The following NMNAT3 variants were observed in gnomAD, a reference collection of about 807,000 sequenced individuals.
The protein encoded by NMNAT3 is nicotinamide nucleotide adenylyltransferase 3.
In NMNAT3, 21 loss-of-function variants were observed where a neutral mutation model predicts 24.8. That is an observed-to-expected ratio of 0.85 (90% CI 0.60 to 1.22). The LOEUF (loss-of-function observed/expected upper bound fraction) is 1.22, where lower values mean the gene tolerates loss of function less well. NMNAT3 is among the 50% of genes most tolerant of loss of function. The probability of loss-of-function intolerance (pLI) is 0.00; values close to 1 mark genes in which losing one functional copy is unlikely to be tolerated. For synonymous variants in NMNAT3, 136 were observed against 155.2 expected (o/e 0.88, Z 0.92); for missense variants, 387 against 436.6 (o/e 0.89, Z 1.01).
At chr3:139,564,147 A>G (rs146006184) in intron 6 of NMNAT3, among the ~76,000 whole-genome samples, 118 of 152,316 alleles carry the variant, frequency 7.7e-4, no homozygotes, top group African/African-American at 2.7e-3. Flanking sequence ...CAGCCATAAA[A>G]TGGGGATAGT....
intron 2 of NMNAT3, among the ~76,000 whole-genome samples, chr3:139,629,374 C>T (rs758045569): frequency 6.6e-6 from 1 of 152,200 alleles, no homozygotes; most frequent in Non-Finnish European, 1.5e-5. Flanking sequence ...CGAACACTGA[C>T]TGAAGCTTTA....
intron 5 of NMNAT3, among the ~76,000 whole-genome samples, chr3:139,576,509 G>T (rs903346202): frequency 6.7e-6 from 1 of 149,148 alleles, no homozygotes; most frequent in Admixed American, 6.6e-5. Flanking sequence ...ATTTAAAAAA[G>T]CTTATTAAGT....
At chr3:139,638,938 A>G (rs1012915186) in intron 1 of NMNAT3, among the ~76,000 whole-genome samples, 15 of 152,164 alleles carry the variant, frequency 9.9e-5, no homozygotes, top group Non-Finnish European at 1.6e-4. Context: ...CTGCTCTGTC[A>G]AACTGCCTTT....
Position 139,627,644 on chromosome 3 carries a change from CT to C in NMNAT3, c.80del (p.Glu27GlyfsTer31). 6.3e-7 allele frequency: 1 copy of C among 1,593,710 alleles called. No individual in the cohort carries two copies. Among genetic ancestry groups the C allele is most frequent in the South Asian group, 1.1e-5 (1 of 90,254 alleles). On this transcript the variant is annotated frameshift_variant, in exon 3 of 7. Transcript: ENST00000643695. LOFTEE classifies it high-confidence loss of function. ...TTTGGTGTAGGTGATCTCTGGCCACCTCAAACATGCGCAGGTGCATGTTGGT... is the reference window on the plus strand; with the variant it reads ...TTTGGTGTAGGTGATCTCTGGCCACCCAAACATGCGCAGGTGCATGTTGGT...
At chr3:139,643,483 T>C (rs1018555895) in intron 1 of NMNAT3, among the ~76,000 whole-genome samples, 2 of 152,144 alleles carry the variant, frequency 1.3e-5, no homozygotes, top group African/African-American at 4.8e-5. Context: ...AACGGAAGAA[T>C]GGATCAACAA....
intron 3 of NMNAT3, among the ~76,000 whole-genome samples, chr3:139,621,614 C>T (rs906011278): frequency 2.0e-5 from 3 of 152,194 alleles, no homozygotes; most frequent in African/African-American, 7.2e-5. Flanking sequence ...TCAAGTGATC[C>T]ACCCACCTTG....
At chr3:139,644,689 C>T (rs1306020934) in intron 1 of NMNAT3, among the ~76,000 whole-genome samples, 1 of 152,088 alleles carries the variant, frequency 6.6e-6, no homozygotes, top group Admixed American at 6.5e-5. Context: ...AATTTTAACT[C>T]CTTGATGGAA....
intron 1 of NMNAT3, among the ~76,000 whole-genome samples, chr3:139,645,011 G>C (rs2056825630): frequency 6.6e-6 from 1 of 152,162 alleles, no homozygotes. Flanking sequence ...AGACTAGCCT[G>C]AACAAAATGG....
intron 3 of NMNAT3, among the ~76,000 whole-genome samples, chr3:139,583,820 G>A (rs908970450): frequency 5.3e-5 from 8 of 152,196 alleles, no homozygotes; most frequent in African/African-American, 9.7e-5. Flanking sequence ...AGCTCCACGC[G>A]TCTCCAGCTC....
intron 3 of NMNAT3, among the ~76,000 whole-genome samples, chr3:139,588,771 AC>A (rs1270938391): frequency 1.3e-5 from 2 of 152,152 alleles, no homozygotes; most frequent in Non-Finnish European, 2.9e-5. Flanking sequence ...CCTGGGTTGG[AC>A]CAGAGAGAAC....
At chr3:139,653,769 A>C (rs1468650887) in intron 1 of NMNAT3, among the ~76,000 whole-genome samples, 1 of 152,216 alleles carries the variant, frequency 6.6e-6, no homozygotes, top group Non-Finnish European at 1.5e-5. Context: ...GTAGCTGCCT[A>C]GACTTTCTTC....
intron 3 of NMNAT3, among the ~76,000 whole-genome samples, chr3:139,611,471 A>G (rs1241005910): frequency 2.0e-5 from 3 of 152,248 alleles, no homozygotes; most frequent in Non-Finnish European, 4.4e-5. Context: ...AAATTGTTCA[A>G]GGTCATACAG....
chr3:139,607,381 C>A (rs1262067283), intron 3 of NMNAT3, among the ~76,000 whole-genome samples: 1 of 152,166 alleles, frequency 6.6e-6, no homozygotes, highest in Non-Finnish European at 1.5e-5. Flanking sequence ...ATCATTTACT[C>A]AATCTTAGTA....
chr3:139,575,893 A>T, intron 5 of NMNAT3: 4 of 1,274,482 alleles, frequency 3.1e-6, no homozygotes, highest in Non-Finnish European at 4.1e-6. Flanking sequence ...TGTTTTGAAG[A>T]TGGCCATAAG....
At chr3:139,651,279 T>C (rs1049184345) in intron 1 of NMNAT3, among the ~76,000 whole-genome samples, 6 of 152,306 alleles carry the variant, frequency 3.9e-5, no homozygotes, top group African/African-American at 1.4e-4. Context: ...TGGCTTCCAT[T>C]ATATGATTTT....
intron 1 of NMNAT3, among the ~76,000 whole-genome samples, chr3:139,645,209 A>G (rs1380664549): frequency 6.6e-6 from 1 of 152,118 alleles, no homozygotes; most frequent in African/African-American, 2.4e-5. Flanking sequence ...CTCAAAAAAG[A>G]AAAAAAGAAA....
intron 3 of NMNAT3, among the ~76,000 whole-genome samples, chr3:139,588,773 CA>C (rs1559879452): frequency 6.6e-6 from 1 of 152,156 alleles, no homozygotes; most frequent in Non-Finnish European, 1.5e-5. Context: ...TGGGTTGGAC[CA>C]GAGAGAACCT....
chr3:139,644,040 C>A (rs2056792667), intron 1 of NMNAT3, among the ~76,000 whole-genome samples: 1 of 152,172 alleles, frequency 6.6e-6, no homozygotes. Flanking sequence ...GAGAATCACA[C>A]ATAAATAGTA....
intron 6 of NMNAT3, 40 bp from the exon 7 acceptor site, chr3:139,561,432 G>T (rs765743069): frequency 6.3e-7 from 1 of 1,577,506 alleles, no homozygotes; most frequent in Non-Finnish European, 8.6e-7. Context: ...TTAGAGAGAG[G>T]TCACTGCCAG....
Sources: allele counts gnomAD v4.1 joint callset (sites outside exome capture counted in the v4.1 genomes callset), GRCh38; gene constraint gnomAD v4.1.1; transcripts MANE v1.5; gene names NCBI Gene and HGNC (gene_info 2026-07-23, HGNC 2026-07-21).